The following LRMDA variants were observed in gnomAD, a reference collection of about 807,000 sequenced individuals.
The protein encoded by LRMDA is leucine-rich melanocyte differentiation-associated protein.
A neutral mutation model predicts 29.8 loss-of-function variants in LRMDA; 18 were observed. That is an observed-to-expected ratio of 0.60 (90% CI 0.42 to 0.90). The LOEUF (loss-of-function observed/expected upper bound fraction) is 0.90, where lower values mean the gene tolerates loss of function less well. Among genes scored for constraint, LRMDA ranks in the 40% least tolerant of loss-of-function variants. The pLI is 0.00. For missense variants in LRMDA, 273 were observed against 273.9 expected, an observed-to-expected ratio of 1.00 and a Z score of 0.02; for synonymous variants, 125 against 109.4, an observed-to-expected ratio of 1.14 and a Z score of -0.89.
intron 2 of LRMDA, among the ~76,000 whole-genome samples, chr10:75,744,257 T>C (rs1842864963): frequency 6.6e-6 from 1 of 152,234 alleles, no homozygotes; most frequent in Admixed American, 6.5e-5. Flanking sequence ...CAAATTGTTT[T>C]TGAGTTACAT....
At chr10:75,772,500 C>T (rs895157089) in intron 2 of LRMDA, among the ~76,000 whole-genome samples, 2 of 152,160 alleles carry the variant, frequency 1.3e-5, no homozygotes, top group African/African-American at 4.8e-5. Flanking sequence ...ATTTGACCAT[C>T]AGATGGGCCT....
intron 5 of LRMDA, among the ~76,000 whole-genome samples, chr10:76,189,596 C>G (rs1851209763): frequency 6.6e-6 from 1 of 152,200 alleles, no homozygotes; most frequent in African/African-American, 2.4e-5. Flanking sequence ...AATGTTGACA[C>G]TGAGAACTAC....
chr10:75,701,126 G>A (rs1842303563), intron 2 of LRMDA, among the ~76,000 whole-genome samples: 1 of 152,170 alleles, frequency 6.6e-6, no homozygotes, highest in African/African-American at 2.4e-5. Context: ...TTGGGAAGGG[G>A]AGTCCAAGGC....
chr10:76,392,545 A>G (rs563447142), intron 6 of LRMDA, among the ~76,000 whole-genome samples: 30 of 152,178 alleles, frequency 2.0e-4, no homozygotes, highest in African/African-American at 7.0e-4. Context: ...CAAAAATCCA[A>G]AATGCTCCAG....
intron 2 of LRMDA, among the ~76,000 whole-genome samples, chr10:75,653,189 G>C (rs1402496801): frequency 1.3e-5 from 2 of 152,206 alleles, no homozygotes; most frequent in African/African-American, 4.8e-5. Context: ...GAAGATAAAA[G>C]ACTTAGCCCT....
intron 5 of LRMDA, among the ~76,000 whole-genome samples, chr10:76,239,479 C>G (rs995965735): frequency 2.6e-5 from 4 of 152,164 alleles, no homozygotes; most frequent in Admixed American, 6.5e-5. Flanking sequence ...CAAACACAGC[C>G]CATACCTTTT....
intron 2 of LRMDA, among the ~76,000 whole-genome samples, chr10:75,811,461 G>A (rs1843959049): frequency 1.3e-5 from 2 of 152,034 alleles, no homozygotes; most frequent in South Asian, 4.1e-4. Flanking sequence ...GCGCTCCCTC[G>A]GGAACCCCTA....
At chr10:75,651,732 T>C (rs2132127187) in intron 2 of LRMDA, among the ~76,000 whole-genome samples, 1 of 152,322 alleles carries the variant, frequency 6.6e-6, no homozygotes, top group South Asian at 2.1e-4. Context: ...CAATCTTGCT[T>C]AGGCTTTTAT....
At chr10:75,987,554 G>A (rs1318703295) in intron 2 of LRMDA, among the ~76,000 whole-genome samples, 1 of 152,208 alleles carries the variant, frequency 6.6e-6, no homozygotes, top group Admixed American at 6.5e-5. Flanking sequence ...TCGTGTGGAT[G>A]ACCAGATTTG....
At chr10:75,854,943 A>G (rs1279245423) in intron 2 of LRMDA, among the ~76,000 whole-genome samples, 4 of 152,184 alleles carry the variant, frequency 2.6e-5, no homozygotes, top group Non-Finnish European at 5.9e-5. Flanking sequence ...TATATGTGCC[A>G]CATTTTCTTA....
At chr10:76,017,088 C>A (rs1386497481) in intron 2 of LRMDA, among the ~76,000 whole-genome samples, 1 of 152,254 alleles carries the variant, frequency 6.6e-6, no homozygotes, top group Non-Finnish European at 1.5e-5. Context: ...AGCGCTCATA[C>A]TGGAGCAGGG....
chr10:75,586,821 G>T (rs373396947), intron 2 of LRMDA, among the ~76,000 whole-genome samples: 2 of 148,258 alleles, frequency 1.3e-5, no homozygotes, highest in African/African-American at 4.9e-5. Flanking sequence ...GGGTTATTAG[G>T]TTTTTTTTTT....
intron 2 of LRMDA, among the ~76,000 whole-genome samples, chr10:75,644,919 C>G (rs1196097010): frequency 1.3e-5 from 2 of 151,956 alleles, no homozygotes; most frequent in Non-Finnish European, 2.9e-5. Context: ...AAGGCCCACT[C>G]TTAGGAGTGG....
intron 2 of LRMDA, among the ~76,000 whole-genome samples, chr10:75,719,220 A>G (rs1227754496): frequency 6.6e-6 from 1 of 152,218 alleles, no homozygotes; most frequent in Non-Finnish European, 1.5e-5. Flanking sequence ...AGAAGGATGC[A>G]GATTTGGCAG....
intron 5 of LRMDA, among the ~76,000 whole-genome samples, chr10:76,280,794 C>T (rs539859006): frequency 9.0e-4 from 136 of 151,224 alleles, no homozygotes; most frequent in Non-Finnish European, 1.2e-3. Context: ...CCCTCAATAA[C>T]TTTTCTAGGG....
chr10:76,462,097 AC>A (rs1376397753), intron 6 of LRMDA, among the ~76,000 whole-genome samples: 24 of 151,686 alleles, frequency 1.6e-4, no homozygotes, highest in Admixed American at 6.6e-4. Context: ...ACACACAAAA[AC>A]AACAACAACC....
intron 2 of LRMDA, among the ~76,000 whole-genome samples, chr10:75,812,889 T>A (rs1456044906): frequency 6.6e-6 from 1 of 152,198 alleles, no homozygotes; most frequent in East Asian, 1.9e-4. Flanking sequence ...GATTAGGTTA[T>A]GTGATTAGAT....
chr10:76,192,932 C>T (rs1851271208), intron 5 of LRMDA, among the ~76,000 whole-genome samples: 1 of 152,184 alleles, frequency 6.6e-6, no homozygotes, highest in Non-Finnish European at 1.5e-5. Flanking sequence ...TTTATGAACT[C>T]TGTGACTCAT....
chr10:75,564,201 C>A (rs182444891), intron 2 of LRMDA, among the ~76,000 whole-genome samples: 2 of 152,148 alleles, frequency 1.3e-5, no homozygotes, highest in Non-Finnish European at 2.9e-5. Context: ...TGGAGCTTCC[C>A]GGCTGCTTTG....
Sources: gnomAD v4.1 joint callset for allele counts (sites outside exome capture counted in the v4.1 genomes callset) on GRCh38, gnomAD v4.1.1 for gene constraint, MANE v1.5 for transcripts, NCBI Gene and HGNC (gene_info 2026-07-23, HGNC 2026-07-21) for gene names.